Variants in SDHB observed in about 807,000 individuals in gnomAD.
SDHB encodes the protein succinate dehydrogenase [ubiquinone] iron-sulfur subunit, mitochondrial.
In SDHB, 21 loss-of-function variants were observed where a neutral mutation model predicts 39.7. The ratio of observed to expected loss-of-function variants is 0.53; its 90% CI spans 0.37 to 0.76. The LOEUF (loss-of-function observed/expected upper bound fraction) is 0.76, where lower values mean the gene tolerates loss of function less well. SDHB is among the 30% of genes least tolerant of loss of function. SDHB has a pLI of 0.00. For synonymous variants in SDHB, 118 were observed against 117.0 expected, an observed-to-expected ratio of 1.01 and a Z score of -0.06; for missense variants, 343 against 350.9, an observed-to-expected ratio of 0.98 and a Z score of 0.18.
At chr1:17,039,991 T>A (rs928605693) in intron 2 of SDHB, among the ~76,000 whole-genome samples, 1 of 152,234 alleles carries the variant, frequency 6.6e-6, no homozygotes, top group Non-Finnish European at 1.5e-5. Flanking sequence ...TAGCATTTCA[T>A]GTAGTACTGG....
rs1570944911 is a variant in SDHB, at chr1:17,022,697, A to G, written c.676T>C (p.Phe226Leu). 6.2e-7 allele frequency: 1 copy of G among 1,613,960 alleles called. No individual in the cohort carries two copies. Among genetic ancestry groups the G allele is most frequent in the Non-Finnish European group, 8.5e-7 (1 of 1,179,890 alleles). ...YRWMIDSRDD[F>L]TEERLAKLQD... ...AGCTTGGCCAGGCGCTCCTCTGTGAAGTCATCTCTGGAGTCAATCATCCAG... is the reference window on the plus strand; with the variant it reads ...AGCTTGGCCAGGCGCTCCTCTGTGAGGTCATCTCTGGAGTCAATCATCCAG... The change falls in exon 7 of 8, where the codon TTC becomes CTC. Residue 226 changes from phenylalanine to leucine, a missense_variant. By Grantham distance (22) the Phe-to-Leu change is conservative. Coordinates refer to ENST00000375499, the MANE Select transcript of SDHB (RefSeq NM_003000.3).
chr1:17,039,550 G>C (rs1394982431), intron 2 of SDHB, among the ~76,000 whole-genome samples: 1 of 152,020 alleles, frequency 6.6e-6, no homozygotes, highest in Non-Finnish European at 1.5e-5. Context: ...GGTTGAGCCT[G>C]GGAGGGTTTA....
rs560143368 is a variant in SDHB, at chr1:17,052,576, A to G, written c.72+1372T>C. 106 of 152,386 alleles carry G rather than the reference A, an allele frequency of 7.0e-4. 1 individual carries two copies. The highest frequency in any genetic ancestry group is 2.5e-3 in the African/African-American group (103 of 41,592). The allele number at this position is 152,386 out of a possible 1,614,324, so 9.4% of individuals were successfully genotyped here. ...GCTCTCACAATTTAATTGTTTGCTC[A>G]GCAACTATAAAAGGAACAGGTAAAC... is the stretch of plus-strand genomic sequence containing the variant. On this transcript the variant is annotated intron_variant, in intron 1 of 7. Transcript: ENST00000375499.
At chr1:17,031,418 G>A (rs1156635505) in intron 3 of SDHB, among the ~76,000 whole-genome samples, 2 of 152,114 alleles carry the variant, frequency 1.3e-5, no homozygotes, top group Non-Finnish European at 2.9e-5. Flanking sequence ...ATACAATTCT[G>A]CTTTATTTTT....
At chr1:17,038,246 G>A (rs115974863) in intron 2 of SDHB, among the ~76,000 whole-genome samples, 270 of 152,282 alleles carry the variant, frequency 1.8e-3, no homozygotes, top group Non-Finnish European at 3.2e-3. Flanking sequence ...TTATCTATGA[G>A]AGACAGTTTT....
chr1:17,036,603 G>A (rs1324255551), intron 2 of SDHB, among the ~76,000 whole-genome samples: 2 of 151,078 alleles, frequency 1.3e-5, no homozygotes, highest in Non-Finnish European at 2.9e-5. Context: ...TTCATTGCTA[G>A]TGTATAGAAA....
intron 2 of SDHB, among the ~76,000 whole-genome samples, chr1:17,033,964 C>T (rs1229500868): frequency 6.6e-6 from 1 of 152,200 alleles, no homozygotes; most frequent in African/African-American, 2.4e-5. Context: ...ATTTACACCA[C>T]AGGGTTACTG....
rs529442740 is a variant in SDHB, at chr1:17,023,165, C to T, written c.643-435G>A. ...CTGTCTACAGATAGTATTTGTCCCA[C>T]TTAATGATTCTTTGAACTTACACAG... On this transcript the variant is annotated intron_variant, in intron 6 of 7. Coordinates refer to ENST00000375499, the MANE Select transcript of SDHB (RefSeq NM_003000.3). 6 of 300,054 alleles carry T rather than the reference C, an allele frequency of 2.0e-5. No homozygotes were observed. The Admixed American group carries it at 2.8e-4, about 14-fold the overall frequency. 18.6% of individuals were successfully genotyped at this position (300,054 alleles called of 1,614,324 possible).
At chr1:17,022,533 C>CGG in intron 7 of SDHB, 75 bp downstream of exon 7, 2 of 1,593,046 alleles carry the variant, frequency 1.3e-6, no homozygotes, top group South Asian at 2.2e-5. Flanking sequence ...CTCTGCCAAT[C>CGG]ACCTCTTTGT....
chr1:17,026,283 C>T (rs1004148315), intron 5 of SDHB, among the ~76,000 whole-genome samples: 4 of 152,230 alleles, frequency 2.6e-5, no homozygotes, highest in Admixed American at 2.6e-4. Context: ...CCCAGGCTTA[C>T]TCTGACTTGC....
chr1:17,048,943 T>C (rs949631798), intron 1 of SDHB, among the ~76,000 whole-genome samples: 1 of 152,138 alleles, frequency 6.6e-6, no homozygotes, highest in Non-Finnish European at 1.5e-5. Flanking sequence ...ACTCCTGACC[T>C]CAGGTGATCC....
chr1:17,028,628 T>C lies in SDHB; in HGVS notation c.395A>G (p.His132Arg), dbSNP rs74315372. 5 of 1,614,168 alleles carry C rather than the reference T, an allele frequency of 3.1e-6. No individual in the cohort carries two copies. The highest frequency in any genetic ancestry group is 4.2e-6 in the Non-Finnish European group (5 of 1,180,026). Residue 132 changes from histidine to arginine, a missense_variant, in exon 4 of 8, where the codon CAC becomes CGC. Physicochemically the swap from His to Arg is conservative, Grantham distance 29. Transcript: ENST00000375499. Reference sequence around the variant, plus strand: ...AACAAGATCCTTTATCACATACATGTGTGGAAGAGGGTAGATTTTTGAGAC... The same window carrying C: ...AACAAGATCCTTTATCACATACATGCGTGGAAGAGGGTAGATTTTTGAGAC... ...NKVSKIYPLP[H>R]MYVIKDLVPD...
At chr1:17,020,944 G>A (rs1325978982) in intron 7 of SDHB, among the ~76,000 whole-genome samples, 1 of 152,214 alleles carries the variant, frequency 6.6e-6, no homozygotes, top group Non-Finnish European at 1.5e-5. Flanking sequence ...AACACACAGT[G>A]TGATCTTTTT....
At chr1:17,042,954 G>GTTTTTTT (rs143394198) in intron 2 of SDHB, among the ~76,000 whole-genome samples, 700 of 62,904 alleles carry the variant, frequency 0.011, 110 homozygotes, top group Non-Finnish European at 0.014. Context: ...TGTTTTATGA[G>GTTTTTTT]TTTTTTTTTT....
At chr1:17,043,360 T>C (rs2078092088) in intron 2 of SDHB, among the ~76,000 whole-genome samples, 1 of 152,198 alleles carries the variant, frequency 6.6e-6, no homozygotes, top group Non-Finnish European at 1.5e-5. Flanking sequence ...GGACTTTTGG[T>C]TGCTGAGTAT....
intron 5 of SDHB, among the ~76,000 whole-genome samples, chr1:17,025,410 CTTTT>C (rs35841405): frequency 1.4e-4 from 18 of 125,970 alleles, no homozygotes; most frequent in Non-Finnish European, 1.2e-4. Flanking sequence ...ATTATAAATT[CTTTT>C]TTTTTTTTTT....
In SDHB at chr1:17,027,826, G is replaced by A. The variant is rs763008243; in HGVS notation, c.463C>T (p.Pro155Ser). 2 of 1,612,818 alleles carry A rather than the reference G, an allele frequency of 1.2e-6. No homozygotes were observed. Among genetic ancestry groups the A allele is most frequent in the Admixed American group, 1.7e-5 (1 of 60,000 alleles). Residue 155 changes from proline to serine, a missense_variant, in exon 5 of 8, where the codon CCT becomes TCT. Physicochemically the swap from Pro to Ser is moderately conservative, Grantham distance 74 (BLOSUM62 -1). Transcript: ENST00000375499. ...GATTCATCCTTCTTCTTCAAATAAG[G>A]CTCAATGGATTTGTACTGTGCATAG... ...NFYAQYKSIE[P>S]YLKKKDESQE...
chr1:17,029,842 T>C (rs1383235062), intron 3 of SDHB, among the ~76,000 whole-genome samples: 1 of 152,202 alleles, frequency 6.6e-6, no homozygotes, highest in African/African-American at 2.4e-5. Context: ...CAAGCGATCC[T>C]CCCACCACAG....
chr1:17,024,348 A>C (rs563286380), intron 5 of SDHB, among the ~76,000 whole-genome samples: 85 of 152,340 alleles, frequency 5.6e-4, no homozygotes, highest in Admixed American at 6.5e-4. Flanking sequence ...TCTAAAAAAG[A>C]AATAGAAAAC....
Sources: gnomAD v4.1 joint callset for allele counts (sites outside exome capture counted in the v4.1 genomes callset) on GRCh38, gnomAD v4.1.1 for gene constraint, MANE v1.5 for transcripts, NCBI Gene and HGNC (gene_info 2026-07-23, HGNC 2026-07-21) for gene names.